The following SYNE2 variants were observed in gnomAD, a reference collection of about 807,000 sequenced individuals.
SYNE2 encodes the protein spectrin repeat containing nuclear envelope protein 2.
A neutral mutation model predicts 856.3 loss-of-function variants in SYNE2; 431 were observed. The observed-to-expected ratio is 0.50, with a 90% CI of 0.47 to 0.55. SYNE2 has a LOEUF of 0.55. Ranked by LOEUF, SYNE2 falls within the 20% of genes least tolerant of loss-of-function variation. SYNE2 has a pLI of 0.00. For missense variants in SYNE2, 8,129 were observed against 8,023.2 expected (o/e 1.01, Z -0.50); for synonymous variants, 2,923 against 2,872.3 (o/e 1.02, Z -0.56).
chr14:63,861,990 C>T (rs1451378420), intron 1 of SYNE2, among the ~76,000 whole-genome samples: 2 of 152,114 alleles, frequency 1.3e-5, no homozygotes, highest in African/African-American at 2.4e-5. Flanking sequence ...ATTATTAAAT[C>T]CTGTCAATCT....
chr14:63,799,075 CT>C (rs997839853), intron 1 of SYNE2, among the ~76,000 whole-genome samples: 2 of 152,236 alleles, frequency 1.3e-5, no homozygotes, highest in South Asian at 2.1e-4. Flanking sequence ...GACAAATGTG[CT>C]TTGTTTTGTT....
At chr14:64,189,981 T>TTA (rs1555535713) in intron 98 of SYNE2, 90 bp from the exon 99 acceptor site, 12 of 1,427,276 alleles carry the variant, frequency 8.4e-6, no homozygotes, top group East Asian at 7.2e-5. Context: ...TTTTTTTTTT[T>TTA]AATTTCAAGA....
rs1214795813 is a variant in SYNE2 at position 64,051,667 on chromosome 14, C to T, written c.7754C>T (p.Ser2585Leu). 2.5e-6 allele frequency: 4 copies of T among 1,613,984 alleles called. No homozygotes were observed. The African/African-American group carries it at 5.3e-5, about 22-fold the overall frequency. The change falls in exon 48 of 116, where the codon TCA (serine) becomes TTA (leucine). Residue 2585 changes from serine (S) to leucine (L), a missense_variant. Transcript: ENST00000555002. Reference sequence around the variant, plus strand: ...TTGAAAATCAAATGGGAGAATTTATCAAACCACGTGACTGACATGGATAAG... The same window carrying T: ...TTGAAAATCAAATGGGAGAATTTATTAAACCACGTGACTGACATGGATAAG... ...GNLKIKWENLSNHVTDMDKKL... is the reference protein window; with the variant it reads ...GNLKIKWENLLNHVTDMDKKL...
At chr14:64,099,060 TGAA>T in intron 63 of SYNE2, 1 of 497,850 alleles carries the variant, frequency 2.0e-6, no homozygotes, top group South Asian at 2.1e-5. Context: ...CGGGAGAAGG[TGAA>T]GAAGTTCTCT....
chr14:63,938,935 T>TGC (rs1175582629), intron 2 of SYNE2, among the ~76,000 whole-genome samples: 3 of 152,020 alleles, frequency 2.0e-5, no homozygotes, highest in Non-Finnish European at 4.4e-5. Flanking sequence ...TGCATGTGCG[T>TGC]GTGTGTGCGT....
chr14:64,183,775 A>G (rs2098473997), intron 96 of SYNE2, among the ~76,000 whole-genome samples: 1 of 151,878 alleles, frequency 6.6e-6, no homozygotes, highest in African/African-American at 2.4e-5. Context: ...AACCAGACAG[A>G]CGTGGTGGCG....
At chr14:64,060,467 G>A (rs1595217979) in intron 49 of SYNE2, among the ~76,000 whole-genome samples, 1 of 152,102 alleles carries the variant, frequency 6.6e-6, no homozygotes, top group Non-Finnish European at 1.5e-5. Context: ...TGGAATGGGG[G>A]CCTCATGACT....
chr14:63,948,742 A>G lies in SYNE2; in HGVS notation c.409-1083A>G, dbSNP rs1387689897. ...TGTGTGTATATATATGTGTATAGAT[A>G]TGTGTGTGTATATATATGTATATAT... is the stretch of plus-strand genomic sequence containing the variant. On this transcript the variant is annotated intron_variant, in intron 6 of 115. Transcript: ENST00000555002. Among the ~76,000 whole-genome samples the G allele has an allele frequency of 1.0e-4, 10 of 95,572 alleles. No individual in the cohort carries two copies. In the South Asian group the frequency reaches 1.7e-3, roughly 17 times the overall value. 62.7% of individuals were successfully genotyped at this position (95,572 alleles called of 152,430 possible). A position where few individuals can be genotyped will look rare whatever the true frequency, so the allele number is the denominator to read the frequency against.
At chr14:64,004,939 G>A (rs2096784805) in intron 30 of SYNE2, among the ~76,000 whole-genome samples, 1 of 152,196 alleles carries the variant, frequency 6.6e-6, no homozygotes, top group Admixed American at 6.5e-5. Flanking sequence ...CTATTGAACA[G>A]GGTAATCAGG....
At chr14:63,791,417 A>G (rs1051045366) in intron 1 of SYNE2, among the ~76,000 whole-genome samples, 1 of 152,204 alleles carries the variant, frequency 6.6e-6, no homozygotes, top group African/African-American at 2.4e-5. Context: ...TTAGCATGGT[A>G]TATAAAGTCC....
chr14:63,999,826 G>T (rs973124688), intron 27 of SYNE2, among the ~76,000 whole-genome samples: 7 of 152,126 alleles, frequency 4.6e-5, no homozygotes, highest in African/African-American at 1.4e-4. Flanking sequence ...CCAGGTCTCA[G>T]TCACTCCACC....
chr14:63,895,107 T>A (rs1307670594), intron 1 of SYNE2, among the ~76,000 whole-genome samples: 2 of 107,288 alleles, frequency 1.9e-5, no homozygotes, highest in Non-Finnish European at 4.3e-5. Flanking sequence ...CCATTTTCTT[T>A]TCTTTTTTTT....
chr14:64,145,165 G>A (rs1485802276), intron 83 of SYNE2, among the ~76,000 whole-genome samples: 2 of 151,796 alleles, frequency 1.3e-5, no homozygotes, highest in African/African-American at 4.8e-5. Flanking sequence ...GACCTCCAGT[G>A]ATACACCCAC....
At chr14:63,941,190 C>T (rs888977584) in intron 3 of SYNE2, among the ~76,000 whole-genome samples, 1 of 152,328 alleles carries the variant, frequency 6.6e-6, no homozygotes, top group Middle Eastern at 3.4e-3. Context: ...AGTCTGGACT[C>T]AGTGGCCTTG....
At chr14:64,074,431 A>T (rs1176811341) in intron 53 of SYNE2, among the ~76,000 whole-genome samples, 1 of 151,986 alleles carries the variant, frequency 6.6e-6, no homozygotes, top group East Asian at 1.9e-4. Context: ...GCCTCAGACC[A>T]CTCTTAAGTA....
chr14:64,202,101 C>A, intron 99 of SYNE2: 1 of 683,672 alleles, frequency 1.5e-6, no homozygotes, highest in Non-Finnish European at 2.7e-6. Context: ...CGAGTTGGGC[C>A]GGATGGGAGC....
chr14:64,225,075 G>C (rs374767238), intron 115 of SYNE2, 30 bp downstream of exon 115: 6 of 1,610,142 alleles, frequency 3.7e-6, no homozygotes, highest in Non-Finnish European at 4.2e-6. Flanking sequence ...ACAGCAGTGC[G>C]TTCCCCTGCT....
intron 84 of SYNE2, among the ~76,000 whole-genome samples, chr14:64,150,952 T>G (rs985693817): frequency 6.6e-6 from 1 of 152,148 alleles, no homozygotes; most frequent in African/African-American, 2.4e-5. Context: ...AAGAATAATA[T>G]TTCATAAATT....
intron 1 of SYNE2, among the ~76,000 whole-genome samples, chr14:63,859,801 GCAAGA>G (rs1892997500): frequency 3.3e-5 from 5 of 152,222 alleles, no homozygotes; most frequent in African/African-American, 1.2e-4. Context: ...GGGCAACAGA[GCAAGA>G]CTCTGCCTCG....
Sources: allele counts gnomAD v4.1 joint callset (sites outside exome capture counted in the v4.1 genomes callset), GRCh38; gene constraint gnomAD v4.1.1; transcripts MANE v1.5; gene names NCBI Gene and HGNC (gene_info 2026-07-23, HGNC 2026-07-21).